AOX1: variants seen among roughly 807,000 people sequenced by gnomAD.
AOX1 encodes the protein aldehyde oxidase 1.
AOX1 carries 153 observed loss-of-function variants against 169.5 expected under a neutral mutation model. The ratio of observed to expected loss-of-function variants is 0.90; its 90% confidence interval spans 0.79 to 1.03. The LOEUF (loss-of-function observed/expected upper bound fraction) is 1.03. AOX1 is among the 50% of genes least tolerant of loss of function. The pLI is 0.00. For synonymous variants in AOX1, 562 were observed against 581.9 expected, an observed-to-expected ratio of 0.97 and a Z score of 0.49; for missense variants, 1,656 against 1,663.9, an observed-to-expected ratio of 1.00 and a Z score of 0.08.
At chr2:200,645,083 T>C (rs555815922) in intron 25 of AOX1, among the ~76,000 whole-genome samples, 68 of 152,302 alleles carry the variant, frequency 4.5e-4, no homozygotes, top group African/African-American at 1.6e-3. Flanking sequence ...AGTACCATAT[T>C]GAAGAAGAGT....
chr2:200,630,548 G>GAGGGAGGAAGGAAGGA (rs1644439179), intron 20 of AOX1, among the ~76,000 whole-genome samples: 1 of 120,556 alleles, frequency 8.3e-6, no homozygotes, highest in Admixed American at 8.9e-5. Context: ...GGAAGGAAGG[G>GAGGGAGGAAGGAAGGA]AGGAAGGAAG....
chr2:200,644,166 AT>A (rs1244914561), intron 25 of AOX1, among the ~76,000 whole-genome samples: 14 of 152,220 alleles, frequency 9.2e-5, no homozygotes, highest in African/African-American at 2.9e-4. Flanking sequence ...GGATTTTCCA[AT>A]GTTATCTTCT....
At chr2:200,681,153 G>A (rs1240907642), downstream of AOX1, among the ~76,000 whole-genome samples, 2 of 152,170 alleles carry the variant, frequency 1.3e-5, no homozygotes, top group East Asian at 3.9e-4. Flanking sequence ...GGCTGACATT[G>A]AGGACTTCCT....
chr2:200,672,527 T>G (rs1378340899), downstream of AOX1, among the ~76,000 whole-genome samples: 1 of 152,234 alleles, frequency 6.6e-6, no homozygotes, highest in Non-Finnish European at 1.5e-5. Flanking sequence ...ACCACAAGTA[T>G]TTATAGAGCA....
chr2:200,591,378 A>G (rs2034168374), intron 1 of AOX1, among the ~76,000 whole-genome samples: 2 of 152,236 alleles, frequency 1.3e-5, no homozygotes, highest in Admixed American at 6.5e-5. Flanking sequence ...AGAACTCTCC[A>G]TAGAGAACAC....
rs41270243 is a variant in AOX1, at chr2:200,661,645, C to G, written c.3428+14C>G. ...TGGATACTTCAGGTAAATACTCCCT[C>G]TGATCACATGCTATGGAGAAGAACA... On this transcript the variant is annotated intron_variant, in intron 30 of 34. Transcript: ENST00000374700. The G allele has an allele frequency of 0.13, 200,682 of 1,583,278 alleles. 14,466 individuals carry two copies. The highest frequency in any genetic ancestry group is 0.25 in the African/African-American group (18,635 of 73,898).
intron 27 of AOX1, among the ~76,000 whole-genome samples, chr2:200,658,453 A>G (rs191426307): frequency 6.6e-6 from 1 of 152,304 alleles, no homozygotes; most frequent in Non-Finnish European, 1.5e-5. Flanking sequence ...TTCTAAGCCT[A>G]TTGCACTCTG....
chr2:200,626,674 A>T (rs1268821812), intron 19 of AOX1, among the ~76,000 whole-genome samples: 1 of 152,170 alleles, frequency 6.6e-6, no homozygotes, highest in Non-Finnish European at 1.5e-5. Context: ...TTACTTCCAG[A>T]GCTGGAGGTC....
chr2:200,604,947 C>A, intron 9 of AOX1, 107 bp downstream of exon 9: 1 of 1,034,542 alleles, frequency 9.7e-7, no homozygotes, highest in Non-Finnish European at 1.4e-6. Flanking sequence ...TCAGGAAAAG[C>A]AGTCTGAAAT....
chr2:200,634,744 G>C, intron 20 of AOX1, 47 bp from the exon 21 acceptor site: 2 of 1,610,222 alleles, frequency 1.2e-6, no homozygotes, highest in Non-Finnish European at 8.5e-7. Flanking sequence ...GACGCTACCT[G>C]TTGCTTCTGA....
At chr2:200,624,843 A>G (rs1248825660) in intron 19 of AOX1, among the ~76,000 whole-genome samples, 1 of 152,204 alleles carries the variant, frequency 6.6e-6, no homozygotes, top group Non-Finnish European at 1.5e-5. Context: ...GAGGCAGTGT[A>G]AATAGATGAG....
In AOX1 at chr2:200,603,977, T is replaced by C. The variant is rs368304992; in HGVS notation, c.589-40T>C. 10 of 1,342,372 alleles carry C rather than the reference T, an allele frequency of 7.4e-6. No homozygotes were observed. In the African/African-American group the frequency reaches 1.3e-4, roughly 17 times the overall value. 83.2% of individuals were successfully genotyped at this position (1,342,372 alleles called of 1,614,324 possible). On this transcript the variant is annotated intron_variant, in intron 7 of 34. Coordinates refer to ENST00000374700, the MANE Select transcript of AOX1 (RefSeq NM_001159.4). The stretch of plus-strand genomic sequence containing the variant: ...CCTTATTCCACAAAGGATTTTAAAG[T>C]TGCTCGATAACAGTAATTTCTGATA...
chr2:200,636,879 A>G (rs750281470), intron 21 of AOX1, 32 bp from the exon 22 acceptor site: 4 of 1,597,566 alleles, frequency 2.5e-6, no homozygotes, highest in Non-Finnish European at 3.4e-6. Flanking sequence ...CTGAAGATGG[A>G]TCAGATTAAT....
downstream of AOX1, among the ~76,000 whole-genome samples, chr2:200,677,916 A>C (rs1317274246): frequency 6.6e-6 from 1 of 152,212 alleles, no homozygotes; most frequent in African/African-American, 2.4e-5. Context: ...GTGGAGGCTC[A>C]GAGTGGTTAT....
intron 3 of AOX1, among the ~76,000 whole-genome samples, chr2:200,596,922 C>G (rs1457472706): frequency 5.3e-5 from 8 of 152,072 alleles, no homozygotes. Flanking sequence ...ACCTTCTGGT[C>G]TTTGTACTAA....
At chr2:200,660,221 G>A in intron 29 of AOX1, 152 bp downstream of exon 29, 1 of 664,564 alleles carries the variant, frequency 1.5e-6, no homozygotes, top group South Asian at 2.0e-5. Context: ...TTGGCTCTTA[G>A]CATGTGGAAA....
chr2:200,596,485 C>G (rs1012303215), intron 3 of AOX1, among the ~76,000 whole-genome samples: 2 of 152,186 alleles, frequency 1.3e-5, no homozygotes, highest in African/African-American at 4.8e-5. Flanking sequence ...TTTAGCTCTC[C>G]TTCCCTGCCT....
At chr2:200,640,510 A>G (rs1433515778) in intron 23 of AOX1, among the ~76,000 whole-genome samples, 1 of 152,168 alleles carries the variant, frequency 6.6e-6, no homozygotes, top group African/African-American at 2.4e-5. Context: ...ATAAAAGAGA[A>G]TTGGTGAAAA....
In AOX1 at chr2:200,599,660, G is replaced by A. The variant is rs759214228; in HGVS notation, c.350G>A (p.Cys117Tyr). Residue 117 changes from cysteine (C) to tyrosine (Y), a missense_variant, in exon 5 of 35, where the codon TGC becomes TAC. Transcript: ENST00000374700. ...AKCHGTQCGFCTPGMVMSIYT... is the reference protein window; with the variant it reads ...AKCHGTQCGFYTPGMVMSIYT... ...TGTCATGGCACCCAGTGTGGCTTCT[G>A]CACACCTGGGATGGTGATGTCCATC... 12 of 1,612,016 alleles carry A rather than the reference G, an allele frequency of 7.4e-6. No homozygotes were observed. The highest frequency in any genetic ancestry group is 3.3e-4 in the Middle Eastern group (2 of 6,074).
Sources: allele counts gnomAD v4.1 joint callset (sites outside exome capture counted in the v4.1 genomes callset), GRCh38; gene constraint gnomAD v4.1.1; transcripts MANE v1.5; gene names NCBI Gene and HGNC (gene_info 2026-07-23, HGNC 2026-07-21).